LUC7L2: variants seen among roughly 807,000 people sequenced by gnomAD.
LUC7L2 encodes putative RNA-binding protein Luc7-like 2.
In LUC7L2, 25 loss-of-function variants were observed where a neutral mutation model predicts 52.8. That is an observed-to-expected ratio of 0.47 (90% confidence interval 0.34 to 0.66). The LOEUF (loss-of-function observed/expected upper bound fraction) is 0.66, where lower values mean the gene tolerates loss of function less well. Among genes scored for constraint, LUC7L2 ranks in the 30% least tolerant of loss-of-function variants. LUC7L2 has a pLI of 0.01. For synonymous variants in LUC7L2, 144 were observed against 160.9 expected (o/e 0.89, Z 0.80); for missense variants, 328 against 497.8 (o/e 0.66, Z 3.25).
In LUC7L2 at chr7:139,376,157, G is replaced by A; in HGVS notation, c.156+1G>A. The stretch of plus-strand genomic sequence containing the variant: ...TCCTCATGATGTCCTTTCTGGAACT[G>A]TATGTATTTACTAAATGTATTGTTA... On this transcript the variant is annotated splice_donor_variant, in intron 2 of 9. Coordinates refer to ENST00000354926, the MANE Select transcript of LUC7L2 (RefSeq NM_016019.5). LOFTEE classifies it high-confidence loss of function. 6.2e-7 allele frequency: 1 copy of A among 1,613,542 alleles called. No individual in the cohort carries two copies. Among genetic ancestry groups the A allele is most frequent in the Non-Finnish European group, 8.5e-7 (1 of 1,179,708 alleles).
At chr7:139,384,358 C>T (rs1044955396) in intron 2 of LUC7L2, among the ~76,000 whole-genome samples, 16 of 151,154 alleles carry the variant, frequency 1.1e-4, no homozygotes, top group Non-Finnish European at 2.1e-4. Flanking sequence ...CTCTGCCTCT[C>T]GGGTTCAACC....
At chr7:139,368,021 A>G (rs1003748450) in intron 1 of LUC7L2, among the ~76,000 whole-genome samples, 9 of 152,206 alleles carry the variant, frequency 5.9e-5, no homozygotes, top group Admixed American at 2.6e-4. Context: ...CAGTCGATTC[A>G]CGTGAGTCTG....
At chr7:139,344,785 C>T (rs1423278268) in intron 1 of LUC7L2, 7 of 147,590 alleles carry the variant, frequency 4.7e-5, no homozygotes, top group African/African-American at 1.8e-4. Context: ...TCACTGCAAG[C>T]TCCGCCTCCT....
chr7:139,410,287 A>G (rs1239006457), intron 7 of LUC7L2, among the ~76,000 whole-genome samples: 1 of 126,582 alleles, frequency 7.9e-6, no homozygotes, highest in East Asian at 2.0e-4. Flanking sequence ...CCAGGTTAGC[A>G]TAGAATTATT....
rs1554397384 is a variant in LUC7L2, at chr7:139,412,536, ATTT to A, written c.780-5_780-3del. 13 of 1,427,652 alleles carry A rather than the reference ATTT, an allele frequency of 9.1e-6. No individual in the cohort carries two copies. Among genetic ancestry groups the A allele is most frequent in the Admixed American group, 5.9e-5 (3 of 51,106 alleles). 88.4% of individuals were successfully genotyped at this position (1,427,652 alleles called of 1,614,324 possible). On this transcript the variant is annotated splice_polypyrimidine_tract_variant and intron_variant, in intron 7 of 9. Coordinates refer to ENST00000354926, the MANE Select transcript of LUC7L2 (RefSeq NM_016019.5). ...TATAGCCACTTTTCTAAAAATACAT[ATTT>A]TTTTTTTTTAGGTCCCGATCACACA...
chr7:139,349,533 A>G (rs567122853), intron 1 of LUC7L2, among the ~76,000 whole-genome samples: 1 of 151,990 alleles, frequency 6.6e-6, no homozygotes, highest in East Asian at 1.9e-4. Flanking sequence ...TTACTAGTCT[A>G]GTGATAAGTG....
chr7:139,410,193 G>A (rs1795298077), intron 7 of LUC7L2, among the ~76,000 whole-genome samples: 1 of 151,206 alleles, frequency 6.6e-6, no homozygotes, highest in East Asian at 1.9e-4. Context: ...GGGCGACAGC[G>A]AGACTCTGTC....
upstream of LUC7L2, among the ~76,000 whole-genome samples, chr7:139,356,822 G>A (rs929729721): frequency 6.6e-6 from 1 of 152,268 alleles, no homozygotes; most frequent in Non-Finnish European, 1.5e-5. Flanking sequence ...ACCGTAGCTT[G>A]CTGACTCCTG....
chr7:139,347,954 C>A (rs1385653608), intron 1 of LUC7L2, among the ~76,000 whole-genome samples: 1 of 152,090 alleles, frequency 6.6e-6, no homozygotes, highest in Non-Finnish European at 1.5e-5. Context: ...CCCGCCTGGG[C>A]CTCTCAAAAT....
intron 9 of LUC7L2, among the ~76,000 whole-genome samples, chr7:139,421,914 T>G (rs1355683576): frequency 6.6e-6 from 1 of 152,240 alleles, no homozygotes; most frequent in Non-Finnish European, 1.5e-5. Context: ...GTCTCTGAGA[T>G]GAGAGTAGCC....
chr7:139,408,214 G>GTAGC (rs915682784), intron 6 of LUC7L2, among the ~76,000 whole-genome samples: 1 of 152,160 alleles, frequency 6.6e-6, no homozygotes, highest in Non-Finnish European at 1.5e-5. Context: ...AGTATTCTGA[G>GTAGC]TAGCTAGGGT....
chr7:139,343,517 C>T (rs1799103174), intron 1 of LUC7L2, among the ~76,000 whole-genome samples: 1 of 152,138 alleles, frequency 6.6e-6, no homozygotes, highest in African/African-American at 2.4e-5. Flanking sequence ...TCGATCAAGG[C>T]TGCAGTGAGC....
intron 9 of LUC7L2, among the ~76,000 whole-genome samples, chr7:139,421,423 CGATT>C (rs1170010074): frequency 3.3e-5 from 5 of 151,878 alleles, no homozygotes; most frequent in Non-Finnish European, 5.9e-5. Flanking sequence ...TTTGGTTTTC[CGATT>C]GATTTATTAT....
chr7:139,349,414 C>A (rs1295606616), intron 1 of LUC7L2, among the ~76,000 whole-genome samples: 1 of 152,114 alleles, frequency 6.6e-6, no homozygotes, highest in Non-Finnish European at 1.5e-5. Context: ...GTCGCACCAT[C>A]AATAATCAGC....
intron 9 of LUC7L2, among the ~76,000 whole-genome samples, chr7:139,418,331 C>A (rs906465101): frequency 2.0e-5 from 3 of 152,130 alleles, no homozygotes; most frequent in Non-Finnish European, 4.4e-5. Flanking sequence ...TAAGGATAGA[C>A]AAAGGATTAT....
At chr7:139,392,296 T>C (rs1424308973) in intron 2 of LUC7L2, 2 of 223,140 alleles carry the variant, frequency 9.0e-6, no homozygotes, top group Non-Finnish European at 1.9e-5. Context: ...CCTGGTCTTC[T>C]GGGAGGGATA....
intron 8 of LUC7L2, among the ~76,000 whole-genome samples, chr7:139,415,436 T>C (rs999837068): frequency 6.6e-6 from 1 of 152,108 alleles, no homozygotes; most frequent in Admixed American, 6.5e-5. Flanking sequence ...AAGTTATACA[T>C]TGGAAGAAAT....
At chr7:139,420,306 C>T (rs554783600) in intron 9 of LUC7L2, among the ~76,000 whole-genome samples, 3 of 152,104 alleles carry the variant, frequency 2.0e-5, no homozygotes, top group South Asian at 2.1e-4. Flanking sequence ...CGGGTTCAAG[C>T]GATTCTTTTG....
intron 1 of LUC7L2, 180 bp from the exon 2 acceptor site, chr7:139,375,882 C>A: frequency 1.7e-6 from 1 of 593,294 alleles, no homozygotes; most frequent in Non-Finnish European, 2.8e-6. Flanking sequence ...AGTACACTTA[C>A]TGCAACTGCA....
Sources: gnomAD v4.1 joint callset for allele counts (sites outside exome capture counted in the v4.1 genomes callset) on GRCh38, gnomAD v4.1.1 for gene constraint, MANE v1.5 for transcripts, NCBI Gene and HGNC (gene_info 2026-07-23, HGNC 2026-07-21) for gene names.